MCF2L: variants seen among roughly 807,000 people sequenced by gnomAD.
The protein encoded by MCF2L is MCF.2 cell line derived transforming sequence like.
In MCF2L, 97 loss-of-function variants were observed where a neutral mutation model predicts 153.4. The ratio of observed to expected loss-of-function variants is 0.63; its 90% CI spans 0.54 to 0.75. The LOEUF (loss-of-function observed/expected upper bound fraction) is 0.75. Among genes scored for constraint, MCF2L ranks in the 30% least tolerant of loss-of-function variants. The probability of loss-of-function intolerance (pLI) is 0.00; values close to 1 mark genes in which losing one functional copy is unlikely to be tolerated. For synonymous variants in MCF2L, 659 were observed against 632.2 expected (o/e 1.04, Z -0.64); for missense variants, 1,347 against 1,495.2 (o/e 0.90, Z 1.64).
intron 2 of MCF2L, among the ~76,000 whole-genome samples, chr13:112,964,111 G>T (rs2081865234): frequency 5.6e-5 from 1 of 17,770 alleles, no homozygotes; most frequent in South Asian, 2.3e-3. Flanking sequence ...CAGGGGGCGG[G>T]GGGGCGGGGG....
upstream of MCF2L, chr13:112,968,720 G>A (rs1303943425): frequency 1.4e-6 from 2 of 1,393,154 alleles, no homozygotes; most frequent in Non-Finnish European, 1.9e-6. Flanking sequence ...CGGAGGTAAA[G>A]GGAGGCGGCG....
In MCF2L at chr13:113,045,017, C is replaced by G. The variant is rs1015121000; in HGVS notation, c.279-254C>G. The stretch of plus-strand genomic sequence containing the variant: ...GAGATGGTTCTGCCTCAATCTGTGA[C>G]TCGAGGTGGTTGGTGTTAGGCTGAG... On this transcript the variant is annotated intron_variant, in intron 3 of 29. Coordinates refer to ENST00000535094, the MANE Select transcript of MCF2L (RefSeq NM_001112732.3). The surrounding 1 kb of genome is among the most constrained non-coding windows in gnomAD (Gnocchi z 4.2). 3 of 1,288,584 alleles carry G rather than the reference C, an allele frequency of 2.3e-6. No homozygotes were observed. In the African/African-American group the frequency reaches 4.4e-5, roughly 19 times the overall value. 79.8% of individuals were successfully genotyped at this position (1,288,584 alleles called of 1,614,324 possible). A position where few individuals can be genotyped will look rare whatever the true frequency, so the allele number is the denominator to read the frequency against.
At chr13:113,091,897 T>C (rs2035253942) in intron 26 of MCF2L, among the ~76,000 whole-genome samples, 1 of 152,070 alleles carries the variant, frequency 6.6e-6, no homozygotes, top group Non-Finnish European at 1.5e-5. Flanking sequence ...GAACCAGCCT[T>C]CCCATTCCGC....
chr13:113,003,295 G>T (rs2083485994), intron 1 of MCF2L, among the ~76,000 whole-genome samples: 1 of 151,224 alleles, frequency 6.6e-6, no homozygotes, highest in African/African-American at 2.4e-5. Flanking sequence ...AGGCTTCGGG[G>T]TGAGTAGGGG....
At chr13:112,981,429 A>G (rs939905326) in intron 1 of MCF2L, among the ~76,000 whole-genome samples, 1 of 152,190 alleles carries the variant, frequency 6.6e-6, no homozygotes, top group African/African-American at 2.4e-5. Flanking sequence ...TCCCCCGTGA[A>G]GACATCGTCC....
At chr13:113,003,666 C>T (rs1021453126) in intron 1 of MCF2L, among the ~76,000 whole-genome samples, 5 of 152,184 alleles carry the variant, frequency 3.3e-5, no homozygotes, top group African/African-American at 9.7e-5. Context: ...CTGACGGTTC[C>T]GTGATCAGAC....
At chr13:112,975,303 A>G (rs1463366536) in intron 1 of MCF2L, among the ~76,000 whole-genome samples, 1 of 152,208 alleles carries the variant, frequency 6.6e-6, no homozygotes, top group Non-Finnish European at 1.5e-5. Context: ...TGAGGTTTGC[A>G]CCTTGTGAGG....
intron 4 of MCF2L, among the ~76,000 whole-genome samples, chr13:113,047,804 C>G (rs1050328337): frequency 6.6e-6 from 1 of 152,096 alleles, no homozygotes; most frequent in Non-Finnish European, 1.5e-5. Flanking sequence ...ACGTGTGCCC[C>G]GTCCCCTCTG....
intron 1 of MCF2L, chr13:112,979,719 C>G: frequency 6.2e-7 from 1 of 1,612,484 alleles, no homozygotes; most frequent in Non-Finnish European, 8.5e-7. Flanking sequence ...GTGGTCACTG[C>G]CCAGGAGGCG....
chr13:113,014,884 G>T, intron 2 of MCF2L, 38 bp downstream of exon 2: 1 of 1,597,400 alleles, frequency 6.3e-7, no homozygotes, highest in African/African-American at 1.3e-5. Context: ...GAGAGGGAGG[G>T]GTCTGGGGCC....
intron 2 of MCF2L, among the ~76,000 whole-genome samples, chr13:112,923,927 G>A (rs1207555585): frequency 5.3e-5 from 8 of 152,166 alleles, no homozygotes; most frequent in Non-Finnish European, 1.2e-4. Context: ...CAGTTATGTT[G>A]TAGAACATTC....
intron 5 of MCF2L, among the ~76,000 whole-genome samples, chr13:113,060,985 C>T (rs889111467): frequency 7.9e-5 from 12 of 151,826 alleles, no homozygotes; most frequent in East Asian, 3.9e-4. Context: ...CATCAGGACG[C>T]GGGTCACGCG....
In MCF2L at chr13:112,938,112, G is replaced by A. The variant is rs113993327; in HGVS notation, c.169+35741G>A. ...GATTGGTTGATTGGTTCAGGTGAGCGCTGAGGGGTTGGTTCAGGTGAGCGC... is the reference window on the plus strand; with the variant it reads ...GATTGGTTGATTGGTTCAGGTGAGCACTGAGGGGTTGGTTCAGGTGAGCGC... On this transcript the variant is annotated intron_variant, in intron 2 of 29. Transcript: ENST00000375608. Among the ~76,000 whole-genome samples, 878 of 136,838 alleles carry A rather than the reference G, an allele frequency of 6.4e-3. 7 individuals carry two copies. Among genetic ancestry groups the A allele is most frequent in the African/African-American group, 0.022 (820 of 36,600 alleles). The allele number at this position is 136,838 out of a possible 152,430, so 89.8% of individuals were successfully genotyped here. A position where few individuals can be genotyped will look rare whatever the true frequency, so the allele number is the denominator to read the frequency against.
rs1594986421 is a variant in MCF2L, at chr13:113,084,820, GTGCCCGTCCCTCACCGCGTGATGCGC to G, written c.2062-66_2062-41del. ...TGCCCGTCCCTCACCGCGTAATGCG[GTGCCCGTCCCTCACCGCGTGATGCGC>G]TGCCCATCCCTCACTGCGTGATGCG... is the stretch of plus-strand genomic sequence containing the variant. On this transcript the variant is annotated intron_variant, in intron 18 of 29. Transcript: ENST00000535094. 2.5e-5 allele frequency: 29 copies of G among 1,162,132 alleles called. No individual in the cohort carries two copies. The East Asian group carries it at 6.1e-4, about 24-fold the overall frequency. The allele number at this position is 1,162,132 out of a possible 1,614,324, so 72.0% of individuals were successfully genotyped here.
At chr13:112,902,192 T>A (rs2081125902) in intron 1 of MCF2L, 1 of 1,610,766 alleles carries the variant, frequency 6.2e-7, no homozygotes, top group Non-Finnish European at 8.5e-7. Flanking sequence ...AAATCTTTTT[T>A]CTGCAGCCTC....
intron 1 of MCF2L, among the ~76,000 whole-genome samples, chr13:112,901,640 C>T (rs2081120618): frequency 1.3e-5 from 2 of 152,336 alleles, no homozygotes; most frequent in South Asian, 4.1e-4. Flanking sequence ...AATGCAGCTA[C>T]TAGTTTTCTC....
At chr13:113,023,579 G>A (rs1259787535) in intron 2 of MCF2L, among the ~76,000 whole-genome samples, 1 of 152,212 alleles carries the variant, frequency 6.6e-6, no homozygotes, top group African/African-American at 2.4e-5. Context: ...CAGTGAGGAC[G>A]TGGATGAGGG....
chr13:113,096,421 T>C lies in MCF2L; in HGVS notation c.3126T>C (p.Asp1042=). ...CGGACCACGAGAAGGGAGGCCCCGATGCGCTGCGCGTGAGGAGCGGGGACG... is the reference window on the plus strand; with the variant it reads ...CGGACCACGAGAAGGGAGGCCCCGACGCGCTGCGCGTGAGGAGCGGGGACG... ...VVADHEKGGP[D]ALRVRSGDVV... is the part of the protein sequence containing the mutation. Residue 1042 remains aspartate (D), a synonymous_variant, in exon 28 of 30, where the codon GAT becomes GAC. Transcript: ENST00000535094. The C allele has an allele frequency of 6.3e-7, 1 of 1,596,570 alleles. No individual in the cohort carries two copies. Among genetic ancestry groups the C allele is most frequent in the Non-Finnish European group, 8.5e-7 (1 of 1,172,898 alleles).
chr13:113,080,956 G>T (rs2034074183), intron 15 of MCF2L, among the ~76,000 whole-genome samples: 1 of 152,234 alleles, frequency 6.6e-6, no homozygotes, highest in Admixed American at 6.5e-5. Context: ...CTACCAGGCG[G>T]TGTGTGCCGG....
Sources: allele counts gnomAD v4.1 joint callset (sites outside exome capture counted in the v4.1 genomes callset), GRCh38; gene constraint gnomAD v4.1.1; non-coding constraint Gnocchi (gnomAD v3.1); transcripts MANE v1.5; gene names NCBI Gene and HGNC (gene_info 2026-07-23, HGNC 2026-07-21).